The following WWOX variants were observed in gnomAD, a reference collection of about 807,000 sequenced individuals.
WWOX encodes the protein WW domain-containing oxidoreductase.
In WWOX, 69 loss-of-function variants were observed where a neutral mutation model predicts 46.2. That is an observed-to-expected ratio of 1.49 (90% CI 1.23 to 1.82). The LOEUF (loss-of-function observed/expected upper bound fraction) is 1.82, where lower values mean the gene tolerates loss of function less well. Among genes scored for constraint, WWOX ranks in the 40% most tolerant of loss-of-function variants. The pLI is 0.00. For missense variants in WWOX, 919 were observed against 542.6 expected, an observed-to-expected ratio of 1.69 and a Z score of -6.89; for synonymous variants, 359 against 202.6, an observed-to-expected ratio of 1.77 and a Z score of -6.56.
chr16:78,866,242 G>A lies in WWOX; in HGVS notation c.1057-345366G>A, dbSNP rs963922980. ...ATAGCAGTGATATAAATCAGAGCCCGCAGTTTCATGAATGCCTCGCTGTGC... is the reference window on the plus strand; with the variant it reads ...ATAGCAGTGATATAAATCAGAGCCCACAGTTTCATGAATGCCTCGCTGTGC... On this transcript the variant is annotated intron_variant, in intron 8 of 8. Transcript: ENST00000566780. 5.3e-5 allele frequency among the ~76,000 whole-genome samples: 8 copies of A among 151,992 alleles called. 1 individual carries two copies. The highest frequency in any genetic ancestry group is 4.6e-4 in the Admixed American group (7 of 15,250).
chr16:78,914,086 A>G (rs557548169), intron 8 of WWOX, among the ~76,000 whole-genome samples: 42 of 152,228 alleles, frequency 2.8e-4, no homozygotes, highest in African/African-American at 1.0e-3. Flanking sequence ...TGACAGTATC[A>G]TTCTGATGTA....
At chr16:78,431,771 C>T (rs1320174174) in intron 7 of WWOX, among the ~76,000 whole-genome samples, 1 of 151,252 alleles carries the variant, frequency 6.6e-6, no homozygotes, top group African/African-American at 2.4e-5. Flanking sequence ...GGCTAGAGTT[C>T]AGTGGCACAA....
At chr16:78,731,491 T>G (rs987906685) in intron 8 of WWOX, among the ~76,000 whole-genome samples, 1 of 152,218 alleles carries the variant, frequency 6.6e-6, no homozygotes, top group Non-Finnish European at 1.5e-5. Flanking sequence ...AAGCCTCTGT[T>G]CTTTCTTGTT....
intron 4 of WWOX, among the ~76,000 whole-genome samples, chr16:78,140,269 A>T (rs898638797): frequency 3.3e-5 from 5 of 152,206 alleles, no homozygotes; most frequent in African/African-American, 1.2e-4. Flanking sequence ...AGTAAGCAGA[A>T]TCTACCACAG....
chr16:78,182,381 T>C (rs556350434), intron 5 of WWOX, among the ~76,000 whole-genome samples: 4 of 152,122 alleles, frequency 2.6e-5, no homozygotes, highest in African/African-American at 9.6e-5. Context: ...TCCAACCATA[T>C]CAAACTCACT....
rs577149679 is a variant in WWOX at position 78,351,246 on chromosome 16, A to G, written c.517-35614A>G. ...CAACAAACACTGCTCCCCGATTACA[A>G]TATAGAGAGGCTAAATTATAGTCCA... On this transcript the variant is annotated intron_variant, in intron 5 of 8. Coordinates refer to ENST00000566780, the MANE Select transcript of WWOX (RefSeq NM_016373.4). 2.0e-4 allele frequency among the ~76,000 whole-genome samples: 30 copies of G among 152,342 alleles called. 1 individual carries two copies. Among genetic ancestry groups the G allele is most frequent in the African/African-American group, 5.5e-4 (23 of 41,584 alleles).
chr16:79,097,518 A>G (rs920129379), intron 8 of WWOX, among the ~76,000 whole-genome samples: 5 of 152,270 alleles, frequency 3.3e-5, no homozygotes, highest in African/African-American at 1.2e-4. Context: ...GCGCTATCAT[A>G]TGCTCCACAT....
intron 5 of WWOX, chr16:78,264,780 A>G (rs2079325182): frequency 6.5e-6 from 1 of 152,722 alleles, no homozygotes; most frequent in Non-Finnish European, 1.5e-5. Flanking sequence ...AGGACACAGC[A>G]AGAAAGCACA....
intron 8 of WWOX, among the ~76,000 whole-genome samples, chr16:78,736,155 A>G (rs1374538503): frequency 6.6e-6 from 1 of 152,186 alleles, no homozygotes; most frequent in East Asian, 1.9e-4. Flanking sequence ...TGAAGAGAAG[A>G]TGTGGTCTCA....
intron 8 of WWOX, among the ~76,000 whole-genome samples, chr16:78,570,741 A>T (rs1034585898): frequency 3.3e-5 from 5 of 152,192 alleles, no homozygotes; most frequent in Non-Finnish European, 7.3e-5. Context: ...CAGCCAAAAA[A>T]TCAGTAAACA....
chr16:78,483,104 G>C (rs1433516224), intron 8 of WWOX, among the ~76,000 whole-genome samples: 1 of 152,164 alleles, frequency 6.6e-6, no homozygotes, highest in Non-Finnish European at 1.5e-5. Flanking sequence ...ATTTTGCAAA[G>C]TCAAGTTGGA....
chr16:78,826,111 T>C, intron 8 of WWOX: 1 of 307,184 alleles, frequency 3.3e-6, no homozygotes, highest in Non-Finnish European at 5.9e-6. Context: ...ATCCCAGCAC[T>C]GTGGGAGTCA....
intron 8 of WWOX, among the ~76,000 whole-genome samples, chr16:78,961,869 A>C (rs904806870): frequency 1.9e-4 from 29 of 152,282 alleles, no homozygotes; most frequent in African/African-American, 6.0e-4. Flanking sequence ...TGCAGAAATC[A>C]TTCTGTGGTT....
At chr16:78,637,037 C>T (rs1162125266) in intron 8 of WWOX, among the ~76,000 whole-genome samples, 1 of 152,190 alleles carries the variant, frequency 6.6e-6, no homozygotes, top group Non-Finnish European at 1.5e-5. Flanking sequence ...TGTCCAATCC[C>T]TGCTCATCTG....
At chr16:78,479,841 C>G (rs990301870) in intron 8 of WWOX, among the ~76,000 whole-genome samples, 8 of 152,172 alleles carry the variant, frequency 5.3e-5, no homozygotes, top group African/African-American at 1.9e-4. Flanking sequence ...GAGGCTGGCA[C>G]CAAGTAGAGG....
In WWOX at chr16:78,117,947, G is replaced by C. The variant is rs566644429; in HGVS notation, c.409+2793G>C. Among the ~76,000 whole-genome samples, 107 of 151,942 alleles carry C rather than the reference G, an allele frequency of 7.0e-4. 1 individual carries two copies. The highest frequency in any genetic ancestry group is 2.4e-3 in the African/African-American group (101 of 41,426). ...ACATAACAGGATTTATTTTGAAAGT[G>C]GTGACTCCACAATAAAAACATAGAT... On this transcript the variant is annotated intron_variant, in intron 4 of 8. Transcript: ENST00000566780.
chr16:78,419,810 A>G (rs1171561417), intron 6 of WWOX, among the ~76,000 whole-genome samples: 1 of 152,088 alleles, frequency 6.6e-6, no homozygotes, highest in Non-Finnish European at 1.5e-5. Flanking sequence ...ATCCAGAATG[A>G]AAAGTGTTTG....
chr16:78,741,337 G>T (rs945816713), intron 8 of WWOX, among the ~76,000 whole-genome samples: 1 of 152,210 alleles, frequency 6.6e-6, no homozygotes, highest in African/African-American at 2.4e-5. Context: ...AAGGTGGGCA[G>T]ATTACTTGAG....
At chr16:78,733,882 G>T (rs757497045) in intron 8 of WWOX, among the ~76,000 whole-genome samples, 3 of 152,040 alleles carry the variant, frequency 2.0e-5, no homozygotes, top group Admixed American at 6.6e-5. Context: ...CCTGGACAAC[G>T]TACAGAGACC....
Sources: allele counts gnomAD v4.1 joint callset (sites outside exome capture counted in the v4.1 genomes callset), GRCh38; gene constraint gnomAD v4.1.1; transcripts MANE v1.5; gene names NCBI Gene and HGNC (gene_info 2026-07-23, HGNC 2026-07-21).